Variants in DDX27 observed in about 807,000 individuals in gnomAD.
DDX27 encodes DEAD-box helicase 27.
DDX27 carries 42 observed loss-of-function variants against 99.3 expected under a neutral mutation model. The observed-to-expected ratio is 0.42, with a 90% CI of 0.33 to 0.55. DDX27 has a LOEUF of 0.55. Ranked by LOEUF, DDX27 falls within the 20% of genes least tolerant of loss-of-function variation. The probability of loss-of-function intolerance (pLI) is 0.07; values close to 1 mark genes in which losing one functional copy is unlikely to be tolerated. For synonymous variants in DDX27, 329 were observed against 353.8 expected, an observed-to-expected ratio of 0.93 and a Z score of 0.79; for missense variants, 798 against 976.8, an observed-to-expected ratio of 0.82 and a Z score of 2.44.
At chr20:49,223,182 T>A in intron 3 of DDX27, 86 bp from the exon 4 acceptor site, 1 of 1,465,726 alleles carries the variant, frequency 6.8e-7, no homozygotes, top group East Asian at 2.3e-5. Flanking sequence ...CAGCCGTTCA[T>A]TCAGGCCGGA....
chr20:49,226,417 C>CT lies in DDX27; in HGVS notation c.601-7dup. ...CCGCTCAACCCTGTCTGACCCAGTT[C>CT]TTTTTTCCTCAGGCCATTACAGCCA... On this transcript the variant is annotated splice_polypyrimidine_tract_variant and intron_variant, in intron 6 of 20. Coordinates refer to ENST00000618172, the MANE Select transcript of DDX27 (RefSeq NM_017895.8). The CT allele has an allele frequency of 6.2e-7, 1 of 1,611,250 alleles. No individual in the cohort carries two copies. Among genetic ancestry groups the CT allele is most frequent in the Non-Finnish European group, 8.5e-7 (1 of 1,178,180 alleles).
intron 10 of DDX27, 41 bp from the exon 11 acceptor site, chr20:49,233,527 C>T (rs1469403665): frequency 1.2e-6 from 2 of 1,606,058 alleles, no homozygotes; most frequent in African/African-American, 2.7e-5. Flanking sequence ...TTCCCTACCA[C>T]CTTGCAGAGA....
At chr20:49,228,419 C>T (rs555721325) in intron 7 of DDX27, among the ~76,000 whole-genome samples, 22 of 150,886 alleles carry the variant, frequency 1.5e-4, no homozygotes, top group African/African-American at 4.4e-4. Context: ...TACAGGCTCC[C>T]GCCACCATGC....
At chr20:49,220,651 C>T (rs1044590413) in intron 1 of DDX27, among the ~76,000 whole-genome samples, 1 of 152,224 alleles carries the variant, frequency 6.6e-6, no homozygotes, top group African/African-American at 2.4e-5. Context: ...CTGCGGCCCC[C>T]TCTCGGACAG....
intron 6 of DDX27, among the ~76,000 whole-genome samples, chr20:49,225,913 C>T (rs758290077): frequency 2.6e-5 from 4 of 152,158 alleles, no homozygotes; most frequent in South Asian, 4.1e-4. Context: ...TCCTGGCACT[C>T]GTTCTGCTCT....
In DDX27 at chr20:49,223,255, A is replaced by T. The variant is rs941015658; in HGVS notation, c.301-13A>T. ...GAAGTTTCTCATCACCCTCACTTTA[A>T]TTTTTTTCCCAGGATAAAGAAGCCA... On this transcript the variant is annotated splice_polypyrimidine_tract_variant and intron_variant, in intron 3 of 20. Transcript: ENST00000618172. 2 of 1,600,912 alleles carry T rather than the reference A, an allele frequency of 1.2e-6. No individual in the cohort carries two copies. Among genetic ancestry groups the T allele is most frequent in the Non-Finnish European group, 1.7e-6 (2 of 1,176,604 alleles).
chr20:49,221,570 C>T lies in DDX27; in HGVS notation c.212C>T (p.Ala71Val). Residue 71 changes from alanine to valine, a missense_variant, in exon 2 of 21, where the codon GCT becomes GTT. Ala to Val is a moderately conservative substitution (Grantham distance 64). Around this residue, in one of 2 missense-constraint regions of DDX27, gnomAD observed 245 missense variants for 248.8 expected, o/e 0.98. Transcript: ENST00000618172. The stretch of plus-strand genomic sequence containing the variant: ...ACGTACGATGGCAGCTGGGCCCTGG[C>T]TGATGTCATGAGCCAACTCAAGAAG... ...EGTYDGSWAL[A>V]DVMSQLKKKR... is the part of the protein sequence containing the mutation. 1.2e-6 allele frequency: 2 copies of T among 1,609,224 alleles called. No homozygotes were observed. Among genetic ancestry groups the T allele is most frequent in the Non-Finnish European group, 1.7e-6 (2 of 1,177,516 alleles).
rs146553420 is a variant in DDX27, at chr20:49,236,175, A to G, written c.1453A>G (p.Ile485Val). 65 of 1,612,394 alleles carry G rather than the reference A, an allele frequency of 4.0e-5. No homozygotes were observed. The highest frequency in any genetic ancestry group is 2.5e-4 in the Admixed American group (15 of 59,640). The change falls in exon 13 of 21, where the codon ATC becomes GTC. Residue 485 changes from isoleucine to valine, a missense_variant. Physicochemically the swap from Ile to Val is conservative, Grantham distance 29 (BLOSUM62 3). This residue lies in a region of DDX27 where 553 missense variants were observed against 727.9 expected (regional missense o/e 0.76). Coordinates refer to ENST00000618172, the MANE Select transcript of DDX27 (RefSeq NM_017895.8). The surrounding 1 kb of genome is among the most constrained non-coding windows in gnomAD (Gnocchi z 4.1). ...GCGTTTTAAGGATGAACAGATTGAC[A>G]TCCTCGTGGCCACTGATGTGGCAGC... Reference protein sequence around the residue: ...LRRFKDEQIDILVATDVAARG... With the variant: ...LRRFKDEQIDVLVATDVAARG...
chr20:49,229,008 A>C, intron 8 of DDX27, 120 bp downstream of exon 8: 1 of 771,862 alleles, frequency 1.3e-6, no homozygotes, highest in South Asian at 3.3e-5. Flanking sequence ...GTGTTGATTG[A>C]ATCCACTTAA....
chr20:49,221,808 C>CTTTTTTTTTTTT (rs11475081), intron 2 of DDX27, among the ~76,000 whole-genome samples: 1 of 132,170 alleles, frequency 7.6e-6, no homozygotes. Context: ...GACTCACTGT[C>CTTTTTTTTTTTT]TTTTTTTTTT....
At chr20:49,242,477 AAATAGTCTTTG>A (rs1980511961) in intron 18 of DDX27, 106 bp from the exon 19 acceptor site, 1 of 1,132,582 alleles carries the variant, frequency 8.8e-7, no homozygotes, top group Admixed American at 2.1e-5. Flanking sequence ...GACAGAATGA[AAATAGTCTTTG>A]GATGCCAGAG....
chr20:49,222,450 C>T (rs542342576), intron 2 of DDX27, among the ~76,000 whole-genome samples: 1 of 152,280 alleles, frequency 6.6e-6, no homozygotes, highest in South Asian at 2.1e-4. Flanking sequence ...GCTGGGATTA[C>T]AGGCATGAGC....
chr20:49,237,768 G>A (rs993002667), intron 14 of DDX27, among the ~76,000 whole-genome samples: 2 of 152,194 alleles, frequency 1.3e-5, no homozygotes, highest in Admixed American at 1.3e-4. Context: ...AAAGTGCTGA[G>A]CTGAGAGAAC....
chr20:49,226,377 G>C, intron 6 of DDX27, 53 bp from the exon 7 acceptor site: 2 of 1,441,426 alleles, frequency 1.4e-6, no homozygotes, highest in South Asian at 2.4e-5. Flanking sequence ...TGTTTGTGTT[G>C]TGCTGAGACT....
chr20:49,233,485 G>C, intron 10 of DDX27, 80 bp downstream of exon 10: 1 of 1,602,418 alleles, frequency 6.2e-7, no homozygotes. Flanking sequence ...TGGGCTTGAG[G>C]GGGTTTGCCT....
chr20:49,231,381 T>C (rs572885547), intron 9 of DDX27, among the ~76,000 whole-genome samples: 1 of 152,290 alleles, frequency 6.6e-6, no homozygotes, highest in Non-Finnish European at 1.5e-5. Flanking sequence ...AGAAGACCCA[T>C]TCCTGAGGCC....
intron 11 of DDX27, chr20:49,234,619 C>T: frequency 4.6e-6 from 1 of 215,076 alleles, no homozygotes; most frequent in Non-Finnish European, 9.2e-6. Context: ...TTCATGTTTG[C>T]CATTTCCTCT....
At chr20:49,224,237 G>C (rs1203656703) in intron 4 of DDX27, among the ~76,000 whole-genome samples, 1 of 152,096 alleles carries the variant, frequency 6.6e-6, no homozygotes, top group African/African-American at 2.4e-5. Context: ...GTACTTCATA[G>C]GTAGTTTACT....
Position 49,228,866 on chromosome 20 carries a change from C to A in DDX27, c.858C>A (p.Asn286Lys). ...SVTRQLAQFC[N>K]ITTCLAVGGL... ...CCAGACAGCTGGCCCAGTTCTGCAA[C>A]ATCACCACCTGCCTGGCTGTGGGTG... Residue 286 changes from asparagine to lysine, a missense_variant, in exon 8 of 21, where the codon AAC becomes AAA. By Grantham distance (94) the Asn-to-Lys change is moderately conservative. This residue lies in a region of DDX27 where 553 missense variants were observed against 727.9 expected (regional missense o/e 0.76). Coordinates refer to ENST00000618172, the MANE Select transcript of DDX27 (RefSeq NM_017895.8). 3.1e-6 allele frequency: 5 copies of A among 1,601,174 alleles called. No homozygotes were observed. In the South Asian group the frequency reaches 5.5e-5, roughly 18 times the overall value.
Sources: gnomAD v4.1 joint callset for allele counts (sites outside exome capture counted in the v4.1 genomes callset) on GRCh38, gnomAD v4.1.1 for gene constraint, gnomAD v4.1.1 regional missense constraint, Gnocchi (gnomAD v3.1) non-coding constraint, MANE v1.5 for transcripts, NCBI Gene and HGNC (gene_info 2026-07-23, HGNC 2026-07-21) for gene names.